The following GOLGA5 variants were observed in gnomAD, a reference collection of about 807,000 sequenced individuals.
GOLGA5 encodes golgin A5, also known as golgin subfamily A member 5.
GOLGA5 carries 50 observed loss-of-function variants against 93.5 expected under a neutral mutation model. The ratio of observed to expected loss-of-function variants is 0.53; its 90% CI spans 0.43 to 0.68. GOLGA5 has a LOEUF of 0.68. Among genes scored for constraint, GOLGA5 ranks in the 30% least tolerant of loss-of-function variants. The pLI, the probability that GOLGA5 is intolerant of heterozygous loss-of-function variation, is 0.00. For missense variants in GOLGA5, 760 were observed against 856.4 expected (o/e 0.89, Z 1.40); for synonymous variants, 312 against 304.5 (o/e 1.02, Z -0.26).
chr14:92,820,128 C>T (rs1158290232), intron 8 of GOLGA5, among the ~76,000 whole-genome samples: 7 of 152,260 alleles, frequency 4.6e-5, no homozygotes, highest in Middle Eastern at 3.4e-3. Flanking sequence ...GGACCTTCAC[C>T]GGCACCGGTC....
At position 92,839,426 on chromosome 14, in the gene GOLGA5, G is replaced by A. The variant is rs140039482; in HGVS notation, c.2176G>A (p.Asp726Asn). The A allele has an allele frequency of 6.3e-5, 101 of 1,608,860 alleles. No individual in the cohort carries two copies. The South Asian group carries it at 7.3e-4, about 12-fold the overall frequency. Reference protein sequence around the residue: ...LLTYTPEMHHDQPYGK With the variant: ...LLTYTPEMHHNQPYGK ...GACTTACACACCAGAAATGCACCAC[G>A]ACCAACCATATGGCAAATGAACCAA... The change falls in exon 13 of 13, where the codon GAC becomes AAC. Residue 726 changes from aspartate to asparagine, a missense_variant. By Grantham distance (23) the Asp-to-Asn change is conservative. Coordinates refer to ENST00000163416, the MANE Select transcript of GOLGA5 (RefSeq NM_005113.4).
At chr14:92,825,083 T>C (rs1450088261) in intron 9 of GOLGA5, among the ~76,000 whole-genome samples, 1 of 152,218 alleles carries the variant, frequency 6.6e-6, no homozygotes, top group East Asian at 1.9e-4. Flanking sequence ...GACACTCATG[T>C]GCCTACCACC....
chr14:92,813,443 G>T (rs1438947441), intron 6 of GOLGA5, among the ~76,000 whole-genome samples: 1 of 152,186 alleles, frequency 6.6e-6, no homozygotes, highest in African/African-American at 2.4e-5. Flanking sequence ...AGGAGATGTG[G>T]TATAAAGAGA....
At chr14:92,824,738 A>T (rs1254115728) in intron 9 of GOLGA5, 94 bp downstream of exon 9, 5 of 664,452 alleles carry the variant, frequency 7.5e-6, no homozygotes, top group Non-Finnish European at 1.3e-5. Flanking sequence ...CCGTGTTTTC[A>T]CCTGAGTTCT....
intron 2 of GOLGA5, among the ~76,000 whole-genome samples, chr14:92,806,331 A>G (rs903197151): frequency 3.9e-5 from 6 of 152,126 alleles, no homozygotes; most frequent in African/African-American, 1.4e-4. Flanking sequence ...TTTTTTTGAG[A>G]TGGAGTCTCG....
chr14:92,828,148 A>G (rs1053046915), intron 9 of GOLGA5, among the ~76,000 whole-genome samples: 3 of 152,240 alleles, frequency 2.0e-5, no homozygotes, highest in Non-Finnish European at 4.4e-5. Flanking sequence ...ACAGCCTTCT[A>G]TTGGAAGAAA....
At chr14:92,799,074 C>T (rs1159500467) in intron 2 of GOLGA5, among the ~76,000 whole-genome samples, 2 of 152,068 alleles carry the variant, frequency 1.3e-5, no homozygotes, top group East Asian at 3.9e-4. Flanking sequence ...CTCAAGCGAT[C>T]CTCCTGCCTC....
At chr14:92,798,328 T>G (rs1884783904) in intron 2 of GOLGA5, among the ~76,000 whole-genome samples, 1 of 152,226 alleles carries the variant, frequency 6.6e-6, no homozygotes, top group Non-Finnish European at 1.5e-5. Flanking sequence ...CCAGTTGATA[T>G]CTTTTTGTTA....
intron 9 of GOLGA5, among the ~76,000 whole-genome samples, chr14:92,825,873 A>AAT (rs1555405603): frequency 4.7e-5 from 7 of 150,498 alleles, no homozygotes; most frequent in Non-Finnish European, 1.0e-4. Context: ...AAAAGAAAAA[A>AAT]CAACCATAGG....
chr14:92,809,796 A>C (rs1334779550), intron 4 of GOLGA5, among the ~76,000 whole-genome samples: 1 of 152,176 alleles, frequency 6.6e-6, no homozygotes, highest in Non-Finnish European at 1.5e-5. Context: ...TCTACTAAAA[A>C]TACAGAAAAA....
At chr14:92,811,858 C>G (rs759921777) in intron 6 of GOLGA5, 104 bp downstream of exon 6, 32 of 824,456 alleles carry the variant, frequency 3.9e-5, no homozygotes, top group Middle Eastern at 3.4e-4. Flanking sequence ...TCATGTTCGT[C>G]TGATTGGCTA....
In GOLGA5 at chr14:92,809,303, T is replaced by G. The variant is rs1885056369; in HGVS notation, c.776T>G (p.Leu259Ter). 6.2e-7 allele frequency: 1 copy of G among 1,604,748 alleles called. No homozygotes were observed. The highest frequency in any genetic ancestry group is 1.3e-5 in the African/African-American group (1 of 74,858). ...LQRSKETQEELNKARARVEKW... is the reference protein window; with the variant it reads ...LQRSKETQEE ...AGAAATTTAAATTTTTTAATAGAATTAAACAAAGCAAGAGCAAGAGTTGAA... is the reference window on the plus strand; with the variant it reads ...AGAAATTTAAATTTTTTAATAGAATGAAACAAAGCAAGAGCAAGAGTTGAA... Residue 259 changes from leucine (L) to a stop codon, truncating the protein, a stop_gained, in exon 4 of 13, where the codon TTA becomes TGA. Transcript: ENST00000163416. LOFTEE classifies it high-confidence loss of function.
At chr14:92,839,260 G>A in intron 12 of GOLGA5, 106 bp from the exon 13 acceptor site, 1 of 706,500 alleles carries the variant, frequency 1.4e-6, no homozygotes, top group East Asian at 2.6e-5. Context: ...TGTCCCATAG[G>A]GGATACAGAG....
At chr14:92,795,365 C>T (rs1200450779) in intron 1 of GOLGA5, among the ~76,000 whole-genome samples, 1 of 152,178 alleles carries the variant, frequency 6.6e-6, no homozygotes, top group Non-Finnish European at 1.5e-5. Flanking sequence ...TGAGTTTCTT[C>T]TTGAGGTTTT....
chr14:92,814,221 A>C (rs77906810), intron 6 of GOLGA5, among the ~76,000 whole-genome samples: 9,647 of 152,220 alleles, frequency 0.063, 366 homozygotes, highest in Middle Eastern at 0.12. Context: ...AGTCTTAAAC[A>C]TCAGCATTTA....
chr14:92,801,735 C>CTTTT (rs11388778), intron 2 of GOLGA5, among the ~76,000 whole-genome samples: 2 of 143,258 alleles, frequency 1.4e-5, no homozygotes, highest in African/African-American at 2.6e-5. Context: ...TTCCCTTTTT[C>CTTTT]TTTTTTTTTT....
At chr14:92,799,611 A>T (rs112591469) in intron 2 of GOLGA5, among the ~76,000 whole-genome samples, 134 of 137,756 alleles carry the variant, frequency 9.7e-4, no homozygotes, top group African/African-American at 3.6e-3. Context: ...TTATTTATTT[A>T]TTTATTTTTT....
chr14:92,829,760 A>C (rs1885490562), intron 9 of GOLGA5, among the ~76,000 whole-genome samples: 1 of 152,190 alleles, frequency 6.6e-6, no homozygotes, highest in Non-Finnish European at 1.5e-5. Context: ...TAAAGGATTG[A>C]CTCCAGTTTT....
intron 3 of GOLGA5, 120 bp from the exon 4 acceptor site, chr14:92,809,180 G>T: frequency 4.6e-6 from 3 of 655,200 alleles, no homozygotes; most frequent in Non-Finnish European, 5.3e-6. Context: ...TTGAAGACGT[G>T]TAAGTTCCCA....
Sources: gnomAD v4.1 joint callset for allele counts (sites outside exome capture counted in the v4.1 genomes callset) on GRCh38, gnomAD v4.1.1 for gene constraint, MANE v1.5 for transcripts, NCBI Gene and HGNC (gene_info 2026-07-23, HGNC 2026-07-21) for gene names.